Variants in PLOD2 observed in about 807,000 individuals in gnomAD.
PLOD2 encodes procollagen-lysine,2-oxoglutarate 5-dioxygenase 2.
In PLOD2, 65 loss-of-function variants were observed where a neutral mutation model predicts 101.0. The observed-to-expected ratio is 0.64, with a 90% CI of 0.53 to 0.79. The LOEUF is 0.79. Among genes scored for constraint, PLOD2 ranks in the 30% least tolerant of loss-of-function variants. The pLI is 0.00. For missense variants in PLOD2, 909 were observed against 914.6 expected (o/e 0.99, Z 0.08); for synonymous variants, 314 against 302.9 (o/e 1.04, Z -0.38).
chr3:146,157,366 T>C (rs1352699833), intron 1 of PLOD2, among the ~76,000 whole-genome samples: 5 of 152,146 alleles, frequency 3.3e-5, no homozygotes, highest in African/African-American at 1.2e-4. Flanking sequence ...ATAAACCAGC[T>C]ACATTAAGAA....
chr3:146,077,815 T>C (rs780907093), intron 14 of PLOD2, 47 bp downstream of exon 14: 3 of 1,124,164 alleles, frequency 2.7e-6, no homozygotes, highest in Admixed American at 1.8e-5. Flanking sequence ...ATATACTATA[T>C]CAAATATTAA....
intron 1 of PLOD2, among the ~76,000 whole-genome samples, chr3:146,158,239 G>A: frequency 6.6e-6 from 1 of 152,092 alleles, no homozygotes; most frequent in East Asian, 1.9e-4. Context: ...AGAAGGTTCT[G>A]CCTCTGAAAG....
At position 146,073,269 on chromosome 3, in the gene PLOD2, G is replaced by C. The variant is rs1265689443; in HGVS notation, c.1743+18C>G. On this transcript the variant is annotated intron_variant, in intron 16 of 19. Coordinates refer to ENST00000282903, the MANE Select transcript of PLOD2 (RefSeq NM_182943.3). ...ATAACAGCAAAATTTTCTATACTTTGTAATCATTAATACAAACCTGTTCAA... is the reference window on the plus strand; with the variant it reads ...ATAACAGCAAAATTTTCTATACTTTCTAATCATTAATACAAACCTGTTCAA... 1.0e-6 allele frequency: 1 copy of C among 958,210 alleles called. No individual in the cohort carries two copies. Among genetic ancestry groups the C allele is most frequent in the Non-Finnish European group, 1.6e-6 (1 of 619,496 alleles). The allele number at this position is 958,210 out of a possible 1,614,324, so 59.4% of individuals were successfully genotyped here.
At chr3:146,159,137 A>G (rs1335701172) in intron 1 of PLOD2, among the ~76,000 whole-genome samples, 1 of 152,202 alleles carries the variant, frequency 6.6e-6, no homozygotes, top group African/African-American at 2.4e-5. Flanking sequence ...GGCTTCACCT[A>G]TCACAAATTA....
intron 11 of PLOD2, among the ~76,000 whole-genome samples, chr3:146,084,681 A>C (rs1380369022): frequency 6.6e-6 from 1 of 152,098 alleles, no homozygotes; most frequent in African/African-American, 2.4e-5. Flanking sequence ...ATTTCAATTG[A>C]GTTAAATGAG....
chr3:146,084,949 T>C (rs1936702058), intron 11 of PLOD2, among the ~76,000 whole-genome samples: 1 of 152,132 alleles, frequency 6.6e-6, no homozygotes, highest in African/African-American at 2.4e-5. Flanking sequence ...AGTAACTGTA[T>C]TTGTGATTAT....
At chr3:146,079,038 A>C in intron 13 of PLOD2, 78 bp downstream of exon 13, 1 of 1,466,686 alleles carries the variant, frequency 6.8e-7, no homozygotes, top group East Asian at 2.3e-5. Context: ...AAAGGGCATC[A>C]AAACACAGTG....
chr3:146,091,721 CT>C (rs1193671553), intron 8 of PLOD2, 78 bp downstream of exon 8: 11 of 844,256 alleles, frequency 1.3e-5, no homozygotes, highest in African/African-American at 3.4e-5. Flanking sequence ...AATAATTTGC[CT>C]TTTTTCCTAT....
intron 11 of PLOD2, among the ~76,000 whole-genome samples, chr3:146,082,248 T>C (rs1936569604): frequency 6.6e-6 from 1 of 152,230 alleles, no homozygotes; most frequent in Non-Finnish European, 1.5e-5. Flanking sequence ...CCAAATATTT[T>C]CATTGTCACT....
chr3:146,096,038 C>T (rs994589511), intron 7 of PLOD2, among the ~76,000 whole-genome samples: 3 of 148,058 alleles, frequency 2.0e-5, no homozygotes, highest in Admixed American at 1.3e-4. Context: ...AGGCGCGCGC[C>T]GCCACGCCTG....
At chr3:146,082,949 T>C (rs1246294240) in intron 11 of PLOD2, among the ~76,000 whole-genome samples, 1 of 152,090 alleles carries the variant, frequency 6.6e-6, no homozygotes, top group East Asian at 1.9e-4. Flanking sequence ...TAAATTTTGG[T>C]TTATTCTTCC....
intron 1 of PLOD2, among the ~76,000 whole-genome samples, chr3:146,146,094 T>C (rs909396887): frequency 6.6e-6 from 1 of 152,176 alleles, no homozygotes; most frequent in African/African-American, 2.4e-5. Context: ...ATTGGTCTTC[T>C]TAAAAGCTGA....
chr3:146,088,254 A>T (rs933199136), intron 9 of PLOD2, among the ~76,000 whole-genome samples: 5 of 151,660 alleles, frequency 3.3e-5, no homozygotes, highest in African/African-American at 1.2e-4. Flanking sequence ...CCAATTCTAT[A>T]GAAGAAAGTA....
At chr3:146,137,561 T>C (rs2031302333) in intron 1 of PLOD2, among the ~76,000 whole-genome samples, 1 of 152,168 alleles carries the variant, frequency 6.6e-6, no homozygotes, top group South Asian at 2.1e-4. Context: ...ACTGGACCCT[T>C]AATCTCAGAT....
At chr3:146,074,628 G>A (rs1453662166) in intron 15 of PLOD2, among the ~76,000 whole-genome samples, 1 of 150,956 alleles carries the variant, frequency 6.6e-6, no homozygotes, top group Non-Finnish European at 1.5e-5. Context: ...GCAAGAAATT[G>A]AATAATCATC....
Position 146,130,832 on chromosome 3 carries a change from T to C in PLOD2, c.110-6603A>G, listed in dbSNP as rs190399708. ...AGTTTTATTATGTTCAGAAAAGAGA[T>C]AGCAACTTAAGACTTCTATCCTTAG... On this transcript the variant is annotated intron_variant, in intron 1 of 19. Coordinates refer to ENST00000282903, the MANE Select transcript of PLOD2 (RefSeq NM_182943.3). 5.3e-5 allele frequency among the ~76,000 whole-genome samples: 8 copies of C among 152,280 alleles called. No individual in the cohort carries two copies. The South Asian group carries it at 6.2e-4, about 12-fold the overall frequency.
intron 3 of PLOD2, among the ~76,000 whole-genome samples, chr3:146,117,553 C>T (rs1937968062): frequency 6.6e-6 from 1 of 152,100 alleles, no homozygotes. Flanking sequence ...CTCCTGGTTA[C>T]TTTCTCATGA....
chr3:146,134,764 G>A (rs1489167028), intron 1 of PLOD2, among the ~76,000 whole-genome samples: 1 of 152,236 alleles, frequency 6.6e-6, no homozygotes, highest in South Asian at 2.1e-4. Context: ...TATGAATAAG[G>A]AGAGTTGCCC....
chr3:146,111,201 T>C (rs1458937761), intron 3 of PLOD2, among the ~76,000 whole-genome samples: 1 of 152,206 alleles, frequency 6.6e-6, no homozygotes, highest in Non-Finnish European at 1.5e-5. Flanking sequence ...TGCAATAAGT[T>C]CTTTATTCAT....
Sources: gnomAD v4.1 joint callset for allele counts (sites outside exome capture counted in the v4.1 genomes callset) on GRCh38, gnomAD v4.1.1 for gene constraint, MANE v1.5 for transcripts, NCBI Gene and HGNC (gene_info 2026-07-23, HGNC 2026-07-21) for gene names.